The following MYO9A variants were observed in gnomAD, a reference collection of about 807,000 sequenced individuals.
MYO9A encodes the protein myosin IXA.
MYO9A carries 103 observed loss-of-function variants against 293.3 expected under a neutral mutation model. The observed-to-expected ratio is 0.35, with a 90% CI of 0.30 to 0.41. The LOEUF (loss-of-function observed/expected upper bound fraction) is 0.41. Ranked by LOEUF, MYO9A falls within the 10% of genes least tolerant of loss-of-function variation. MYO9A has a pLI of 1.00. For synonymous variants in MYO9A, 1,001 were observed against 1,035.7 expected (o/e 0.97, Z 0.64); for missense variants, 2,685 against 3,033.0 (o/e 0.89, Z 2.69).
chr15:71,999,934 C>T lies in MYO9A; in HGVS notation c.1387G>A (p.Glu463Lys). 6.2e-7 allele frequency: 1 copy of T among 1,609,968 alleles called. No individual in the cohort carries two copies. The highest frequency in any genetic ancestry group is 1.7e-5 in the Admixed American group (1 of 59,564). The stretch of plus-strand genomic sequence containing the variant: ...ACTAATGCTTCAAATAGCATCTCTT[C>T]TTTAACCTATAAAACAGAAAAGTAA... ...PIVSELLEVK[E>K]EMLFEALVTR... The change falls in exon 9 of 42, where the codon GAA (glutamate) becomes AAA (lysine). Residue 463 changes from glutamate (E) to lysine (K), a missense_variant. Coordinates refer to ENST00000356056, the MANE Select transcript of MYO9A (RefSeq NM_006901.4).
chr15:72,031,411 G>A (rs1312121487), intron 3 of MYO9A, among the ~76,000 whole-genome samples: 5 of 152,042 alleles, frequency 3.3e-5, no homozygotes, highest in African/African-American at 1.2e-4. Flanking sequence ...ACTTGAACCC[G>A]GGAGGAAGAG....
intron 11 of MYO9A, among the ~76,000 whole-genome samples, chr15:71,987,178 C>T (rs1000242788): frequency 7.2e-5 from 11 of 152,064 alleles, no homozygotes; most frequent in African/African-American, 2.7e-4. Flanking sequence ...GGAGGCTATA[C>T]CAACTAGGTT....
chr15:71,991,152 T>C lies in MYO9A; in HGVS notation c.1673A>G (p.Asn558Ser). The change falls in exon 11 of 42, where the codon AAT becomes AGT. Residue 558 changes from asparagine (N) to serine (S), a missense_variant. Transcript: ENST00000356056. ...SFEQFCINFA[N>S]ERLQHYFNQH... ...ATTAAAGTAGTGCTGTAAACGTTCA[T>C]TAGCAAAATTAATACAGAACTGTTC... 6.2e-7 allele frequency: 1 copy of C among 1,608,280 alleles called. No homozygotes were observed. The highest frequency in any genetic ancestry group is 8.5e-7 in the Non-Finnish European group (1 of 1,177,594).
chr15:71,853,226 G>C (rs1216158165), intron 35 of MYO9A, among the ~76,000 whole-genome samples: 1 of 152,166 alleles, frequency 6.6e-6, no homozygotes, highest in Admixed American at 6.5e-5. Flanking sequence ...CACACTTTGA[G>C]TAACAATGGT....
At chr15:72,077,746 AAAAAAAATATATAT>A (rs2079407448) in intron 1 of MYO9A, among the ~76,000 whole-genome samples, 2 of 42,504 alleles carry the variant, frequency 4.7e-5, no homozygotes, top group Admixed American at 3.0e-4. Context: ...AAAAAAAAAA[AAAAAAAATATATAT>A]ATATATATAT....
Position 71,857,991 on chromosome 15 carries a change from C to A in MYO9A, c.6153+1744G>T, listed in dbSNP as rs994176067. On this transcript the variant is annotated intron_variant, in intron 34 of 41. Transcript: ENST00000356056. ...CAAAAGAAGACATTTATGCAGCCAA[C>A]AGACACATGAAAAAATGCTCATCAT... is the stretch of plus-strand genomic sequence containing the variant. 7.5e-4 allele frequency among the ~76,000 whole-genome samples: 115 copies of A among 152,398 alleles called. 1 individual carries two copies. The highest frequency in any genetic ancestry group is 2.7e-3 in the African/African-American group (111 of 41,594).
intron 1 of MYO9A, among the ~76,000 whole-genome samples, chr15:72,060,122 T>C (rs2078839394): frequency 6.6e-6 from 1 of 152,192 alleles, no homozygotes; most frequent in South Asian, 2.1e-4. Flanking sequence ...GCTGCAGTAT[T>C]GGTGGTAGAA....
chr15:71,971,155 C>T (rs1300640133), intron 12 of MYO9A, among the ~76,000 whole-genome samples: 2 of 148,526 alleles, frequency 1.3e-5, no homozygotes, highest in Non-Finnish European at 3.0e-5. Flanking sequence ...AGCGAGACTC[C>T]GTATCAGAAA....
At chr15:72,082,266 G>T (rs1010319855) in intron 1 of MYO9A, among the ~76,000 whole-genome samples, 22 of 152,092 alleles carry the variant, frequency 1.4e-4, no homozygotes, top group Admixed American at 7.2e-4. Flanking sequence ...GTATTCCTAG[G>T]TATTTTATTC....
intron 19 of MYO9A, among the ~76,000 whole-genome samples, chr15:71,913,991 C>A (rs1241977466): frequency 6.6e-6 from 1 of 152,158 alleles, no homozygotes; most frequent in Non-Finnish European, 1.5e-5. Context: ...AATAATCATT[C>A]TTTCCCCAAT....
At chr15:72,092,918 C>G (rs910836035) in intron 1 of MYO9A, among the ~76,000 whole-genome samples, 4 of 151,464 alleles carry the variant, frequency 2.6e-5, no homozygotes, top group Non-Finnish European at 5.9e-5. Context: ...CTTACACACA[C>G]ACACACACAC....
intron 39 of MYO9A, among the ~76,000 whole-genome samples, chr15:71,845,724 G>A (rs2055355924): frequency 6.6e-6 from 1 of 152,108 alleles, no homozygotes; most frequent in Non-Finnish European, 1.5e-5. Flanking sequence ...AACAAGAGGT[G>A]TAAATTAATT....
intron 39 of MYO9A, among the ~76,000 whole-genome samples, chr15:71,843,526 T>A (rs2055256864): frequency 6.6e-6 from 1 of 152,218 alleles, no homozygotes; most frequent in African/African-American, 2.4e-5. Context: ...TCTCACTCTG[T>A]CACTCAGGCT....
chr15:71,853,143 A>G (rs1352513674), intron 35 of MYO9A, among the ~76,000 whole-genome samples: 1 of 150,766 alleles, frequency 6.6e-6, no homozygotes, highest in Non-Finnish European at 1.5e-5. Context: ...AAGCACTGTT[A>G]TACTGCTATA....
intron 18 of MYO9A, among the ~76,000 whole-genome samples, chr15:71,930,860 G>T (rs1202684257): frequency 6.6e-6 from 1 of 152,024 alleles, no homozygotes; most frequent in Non-Finnish European, 1.5e-5. Flanking sequence ...TCCACTAAAG[G>T]TGGTCACCTT....
Position 71,898,853 on chromosome 15 carries a change from C to G in MYO9A, c.3650G>C (p.Arg1217Pro), listed in dbSNP as rs193029114. ...GTCCACTGAACTTTCACGGCTAATTCGATTACTCTCTATTACAGATTTACA... is the reference window on the plus strand; with the variant it reads ...GTCCACTGAACTTTCACGGCTAATTGGATTACTCTCTATTACAGATTTACA... ...EECKSVIESN[R>P]ISRESSVDCL... Residue 1217 changes from arginine to proline, a missense_variant, in exon 25 of 42, where the codon CGA becomes CCA. By Grantham distance (103) the Arg-to-Pro change is moderately radical. Around this residue, in one of 10 missense-constraint regions of MYO9A, gnomAD observed 1,434 missense variants for 1,497.7 expected, o/e 0.96. Coordinates refer to ENST00000356056, the MANE Select transcript of MYO9A (RefSeq NM_006901.4). 1.2e-6 allele frequency: 2 copies of G among 1,614,056 alleles called. No individual in the cohort carries two copies. The highest frequency in any genetic ancestry group is 1.7e-6 in the Non-Finnish European group (2 of 1,179,996).
chr15:71,939,940 T>C (rs942109404), intron 15 of MYO9A, among the ~76,000 whole-genome samples: 1 of 152,148 alleles, frequency 6.6e-6, no homozygotes, highest in Non-Finnish European at 1.5e-5. Context: ...CAAATAAATA[T>C]ACAGTGGTGG....
intron 14 of MYO9A, among the ~76,000 whole-genome samples, chr15:71,953,092 C>T (rs956330920): frequency 6.6e-6 from 1 of 152,124 alleles, no homozygotes; most frequent in African/African-American, 2.4e-5. Flanking sequence ...AGTAACTAAA[C>T]TAATAAAATA....
At chr15:71,932,692 G>A (rs1483480491) in intron 18 of MYO9A, among the ~76,000 whole-genome samples, 2 of 151,948 alleles carry the variant, frequency 1.3e-5, no homozygotes, top group African/African-American at 4.8e-5. Flanking sequence ...TGTAGTCCCT[G>A]GAAATGTCTG....
Sources: allele counts gnomAD v4.1 joint callset (sites outside exome capture counted in the v4.1 genomes callset), GRCh38; gene constraint gnomAD v4.1.1; regional missense constraint gnomAD v4.1.1; transcripts MANE v1.5; gene names NCBI Gene and HGNC (gene_info 2026-07-23, HGNC 2026-07-21).